The following PSMD7 variants were observed in gnomAD, a reference collection of about 807,000 sequenced individuals.
PSMD7 encodes proteasome 26S subunit, non-ATPase 7.
A neutral mutation model predicts 36.4 loss-of-function variants in PSMD7; 13 were observed. That is an observed-to-expected ratio of 0.36 (90% CI 0.23 to 0.57). The LOEUF is 0.57. Ranked by LOEUF, PSMD7 falls within the 20% of genes least tolerant of loss-of-function variation. The pLI, the probability that PSMD7 is intolerant of heterozygous loss-of-function variation, is 0.83. For synonymous variants in PSMD7, 186 were observed against 151.0 expected (o/e 1.23, Z -1.70); for missense variants, 298 against 393.6 (o/e 0.76, Z 2.06).
Position 74,305,462 on chromosome 16 carries a change from A to G in PSMD7, c.704A>G (p.Asn235Ser), listed in dbSNP as rs201421180. ...ATCTACCAGCTGCAGGACGTCTTCA[A>G]CCTGCTGCCAGATGTCAGCCTGCAG... ...QIIYQLQDVFNLLPDVSLQEF... is the reference protein window; with the variant it reads ...QIIYQLQDVFSLLPDVSLQEF... The change falls in exon 7 of 7, where the codon AAC (asparagine) becomes AGC (serine). Residue 235 changes from asparagine (N) to serine (S), a missense_variant. Transcript: ENST00000219313. The G allele has an allele frequency of 3.4e-4, 546 of 1,614,152 alleles. 2 individuals carry two copies. The highest frequency in any genetic ancestry group is 4.2e-4 in the Non-Finnish European group (500 of 1,180,022).
At chr16:74,305,124 A>T in intron 6 of PSMD7, 165 bp from the exon 7 acceptor site, 1 of 862,238 alleles carries the variant, frequency 1.2e-6, no homozygotes, top group African/African-American at 1.7e-5. Context: ...AACGAAATTA[A>T]GGTAATTGAT....
At chr16:74,298,693 T>A (rs553364820) in intron 1 of PSMD7, among the ~76,000 whole-genome samples, 76 of 151,770 alleles carry the variant, frequency 5.0e-4, no homozygotes, top group African/African-American at 1.7e-3. Context: ...TGAAACCCCT[T>A]CTCTACCAAA....
chr16:74,298,328 A>G (rs2034129942), intron 1 of PSMD7, among the ~76,000 whole-genome samples: 1 of 152,130 alleles, frequency 6.6e-6, no homozygotes, highest in Admixed American at 6.5e-5. Flanking sequence ...TCTAAGTTTT[A>G]CAAGATTGTT....
In PSMD7 at chr16:74,296,999, G is replaced by A. The variant is rs907153170; in HGVS notation, c.74+11G>A. 6.2e-7 allele frequency: 1 copy of A among 1,609,790 alleles called. No individual in the cohort carries two copies. ...GGATCATTTCAACCGGTGAGCGAGC[G>A]CCCTATAGCTGGGCCGGCGGCGCAG... On this transcript the variant is annotated intron_variant, in intron 1 of 6. Coordinates refer to ENST00000219313, the MANE Select transcript of PSMD7 (RefSeq NM_002811.5).
intron 1 of PSMD7, 114 bp from the exon 2 acceptor site, chr16:74,300,001 C>A: frequency 3.3e-6 from 3 of 914,514 alleles, no homozygotes; most frequent in Non-Finnish European, 5.3e-6. Flanking sequence ...GAGATTAGTT[C>A]CCAGGTAAAC....
Position 74,305,639 on chromosome 16 carries a change from AAG to A in PSMD7, c.886_887del (p.Ser296GlnfsTer4). The A allele has an allele frequency of 6.3e-7, 1 of 1,583,036 alleles. No homozygotes were observed. Among genetic ancestry groups the A allele is most frequent in the Non-Finnish European group, 8.6e-7 (1 of 1,159,560 alleles). ...GAGAAGAAAGAAGGGCAGGAGAAAGAAGAGAGCAAAAAGGATAGGAAAGAGGA... is the reference window on the plus strand; with the variant it reads ...GAGAAGAAAGAAGGGCAGGAGAAAGAAGAGCAAAAAGGATAGGAAAGAGGA... On this transcript the variant is annotated frameshift_variant, in exon 7 of 7. Transcript: ENST00000219313. LOFTEE classifies it high-confidence loss of function.
intron 1 of PSMD7, chr16:74,299,471 C>A: frequency 2.4e-6 from 1 of 414,148 alleles, no homozygotes. Context: ...ACTCGACCTT[C>A]TGAGCTCAAG....
At chr16:74,299,457 T>G in intron 1 of PSMD7, 2 of 400,252 alleles carry the variant, frequency 5.0e-6, no homozygotes, top group South Asian at 3.5e-5. Flanking sequence ...GTAGCTAGCC[T>G]CAAACTCGAC....
intron 1 of PSMD7, among the ~76,000 whole-genome samples, chr16:74,298,637 C>T (rs1039814186): frequency 6.6e-6 from 1 of 151,934 alleles, no homozygotes; most frequent in Non-Finnish European, 1.5e-5. Context: ...CCGAGGTGGG[C>T]GGATTGCTTG....
At chr16:74,301,307 A>G (rs2034153300) in intron 3 of PSMD7, among the ~76,000 whole-genome samples, 163 bp downstream of exon 3, 1 of 152,194 alleles carries the variant, frequency 6.6e-6, no homozygotes, top group South Asian at 2.1e-4. Flanking sequence ...AAACTAGAGT[A>G]GCAATTTAAG....
At chr16:74,297,950 C>G (rs972694995) in intron 1 of PSMD7, among the ~76,000 whole-genome samples, 5 of 151,784 alleles carry the variant, frequency 3.3e-5, no homozygotes, top group African/African-American at 1.2e-4. Flanking sequence ...TCTGATTAGA[C>G]TCCGTCTCAA....
rs2034192280 is a variant in PSMD7, at chr16:74,305,840, A to T, written c.*107A>T. 2 of 1,273,080 alleles carry T rather than the reference A, an allele frequency of 1.6e-6. No homozygotes were observed. The highest frequency in any genetic ancestry group is 3.0e-5 in the African/African-American group (2 of 66,216). The allele number at this position is 1,273,080 out of a possible 1,614,324, so 78.9% of individuals were successfully genotyped here. ...ACTTGACATGCTTATTAGAAAGCTG[A>T]CCCAACAAGAGCTCTCTGCCTCCGG... On this transcript the variant is annotated 3_prime_UTR_variant, in exon 7 of 7. Coordinates refer to ENST00000219313, the MANE Select transcript of PSMD7 (RefSeq NM_002811.5).
chr16:74,300,997 C>G lies in PSMD7; in HGVS notation c.167-55C>G, dbSNP rs373632849. The G allele has an allele frequency of 1.3e-5, 14 of 1,087,796 alleles. No individual in the cohort carries two copies. In the African/African-American group the frequency reaches 2.2e-4, roughly 17 times the overall value. The allele number at this position is 1,087,796 out of a possible 1,614,324, so 67.4% of individuals were successfully genotyped here. On this transcript the variant is annotated intron_variant, in intron 2 of 6. Coordinates refer to ENST00000219313, the MANE Select transcript of PSMD7 (RefSeq NM_002811.5). ...TGGCCTAGGGGTCTTCAATTGTGAC[C>G]TGTGTTCTAGGTTTCTATCAAGCAC...
chr16:74,304,001 C>T (rs2034176045), intron 5 of PSMD7: 1 of 240,066 alleles, frequency 4.2e-6, no homozygotes, highest in East Asian at 9.8e-5. Context: ...AAGCGGTATA[C>T]TTTTAAGAAT....
rs1288824399 is a variant in PSMD7 at position 74,304,345 on chromosome 16, G to A, written c.481G>A (p.Glu161Lys). 5 of 1,614,074 alleles carry A rather than the reference G, an allele frequency of 3.1e-6. No individual in the cohort carries two copies. In the East Asian group the frequency reaches 6.7e-5, roughly 22 times the overall value. The change falls in exon 6 of 7, where the codon GAA (glutamate) becomes AAA (lysine). Residue 161 changes from glutamate (E) to lysine (K), a missense_variant. Physicochemically the swap from Glu to Lys is moderately conservative, Grantham distance 56. Coordinates refer to ENST00000219313, the MANE Select transcript of PSMD7 (RefSeq NM_002811.5). ...GAAAACATTTGAACACGTGACCAGT[G>A]AAATTGGAGCAGAGGAAGCTGAGGA... ...TSKTFEHVTSEIGAEEAEEVG... is the reference protein window; with the variant it reads ...TSKTFEHVTSKIGAEEAEEVG...
intron 1 of PSMD7, among the ~76,000 whole-genome samples, chr16:74,297,774 A>G (rs1383903426): frequency 1.4e-5 from 2 of 147,002 alleles, no homozygotes; most frequent in African/African-American, 5.1e-5. Context: ...GAGTGGGGCT[A>G]AGGGGGCTAG....
At position 74,305,808 on chromosome 16, in the gene PSMD7, C is replaced by T. The variant is rs2034192060; in HGVS notation, c.*75C>T. On this transcript the variant is annotated 3_prime_UTR_variant, in exon 7 of 7. Transcript: ENST00000219313. ...TAAATCAGTGTGCTGCTAGAGGGTTCTTTTTCACTTGACATGCTTATTAGA... is the reference window on the plus strand; with the variant it reads ...TAAATCAGTGTGCTGCTAGAGGGTTTTTTTTCACTTGACATGCTTATTAGA... 8 of 1,367,562 alleles carry T rather than the reference C, an allele frequency of 5.8e-6. No homozygotes were observed. The highest frequency in any genetic ancestry group is 7.5e-6 in the Non-Finnish European group (8 of 1,062,880). The allele number at this position is 1,367,562 out of a possible 1,614,324, so 84.7% of individuals were successfully genotyped here.
At chr16:74,298,501 T>G (rs2034131632) in intron 1 of PSMD7, among the ~76,000 whole-genome samples, 1 of 152,194 alleles carries the variant, frequency 6.6e-6, no homozygotes, top group Non-Finnish European at 1.5e-5. Flanking sequence ...GGAGAGGAAT[T>G]ACTATTTTTC....
intron 4 of PSMD7, 47 bp downstream of exon 4, chr16:74,301,699 G>C (rs777721775): frequency 1.3e-6 from 2 of 1,490,184 alleles, no homozygotes; most frequent in African/African-American, 2.8e-5. Flanking sequence ...TTTTTTGCCA[G>C]CCAGCTCAAG....
Sources: gnomAD v4.1 joint callset for allele counts (sites outside exome capture counted in the v4.1 genomes callset) on GRCh38, gnomAD v4.1.1 for gene constraint, MANE v1.5 for transcripts, NCBI Gene and HGNC (gene_info 2026-07-23, HGNC 2026-07-21) for gene names.